Variants in PTGIS observed in about 807,000 individuals in gnomAD.
PTGIS encodes the protein prostacyclin synthase.
PTGIS carries 45 observed loss-of-function variants against 50.3 expected under a neutral mutation model. The ratio of observed to expected loss-of-function variants is 0.90; its 90% CI spans 0.70 to 1.15. PTGIS has a LOEUF of 1.15. Among genes scored for constraint, PTGIS ranks in the 50% most tolerant of loss-of-function variants. The pLI is 0.00. For synonymous variants in PTGIS, 260 were observed against 267.7 expected (o/e 0.97, Z 0.28); for missense variants, 668 against 661.3 (o/e 1.01, Z -0.11).
chr20:49,558,107 G>A (rs1005847616), intron 1 of PTGIS, among the ~76,000 whole-genome samples: 8 of 152,184 alleles, frequency 5.3e-5, no homozygotes, highest in Non-Finnish European at 1.0e-4. Flanking sequence ...AGGAAAATAA[G>A]GCTGGGCATG....
intron 4 of PTGIS, 89 bp from the exon 5 acceptor site, chr20:49,539,810 G>C: frequency 1.3e-6 from 2 of 1,487,570 alleles, no homozygotes; most frequent in Non-Finnish European, 1.8e-6. Context: ...CATACACCCA[G>C]TGAGCAACTA....
intron 1 of PTGIS, among the ~76,000 whole-genome samples, chr20:49,551,806 T>TTG (rs58517059): frequency 0.11 from 15,427 of 142,448 alleles, 831 homozygotes; most frequent in Middle Eastern, 0.16. Context: ...GTGTATGTGT[T>TTG]TGTGTGTGTG....
At chr20:49,522,143 C>T (rs1272875615) in intron 6 of PTGIS, among the ~76,000 whole-genome samples, 1 of 152,140 alleles carries the variant, frequency 6.6e-6, no homozygotes, top group Non-Finnish European at 1.5e-5. Context: ...CCCCCTCCCT[C>T]ACTCTGCTTC....
chr20:49,517,738 G>A (rs772868989), intron 6 of PTGIS, among the ~76,000 whole-genome samples: 1 of 152,160 alleles, frequency 6.6e-6, no homozygotes, highest in Non-Finnish European at 1.5e-5. Flanking sequence ...GTTGCCTCCT[G>A]ACAACATGGC....
chr20:49,527,025 G>T (rs1981809576), intron 5 of PTGIS, among the ~76,000 whole-genome samples: 1 of 152,152 alleles, frequency 6.6e-6, no homozygotes, highest in African/African-American at 2.4e-5. Context: ...GTGCACCAAT[G>T]TTCATAGCAG....
chr20:49,550,265 T>G, intron 1 of PTGIS, 76 bp from the exon 2 acceptor site: 1 of 1,574,384 alleles, frequency 6.4e-7, no homozygotes, highest in Non-Finnish European at 8.6e-7. Context: ...CAGAGTGTGA[T>G]TTTGAATGGA....
chr20:49,566,657 T>C (rs531008901), intron 1 of PTGIS, among the ~76,000 whole-genome samples: 1 of 152,380 alleles, frequency 6.6e-6, no homozygotes, highest in East Asian at 1.9e-4. Context: ...CAGACACGAA[T>C]GTAAACTAAC....
At chr20:49,551,891 A>G (rs1462639559) in intron 1 of PTGIS, among the ~76,000 whole-genome samples, 1 of 150,158 alleles carries the variant, frequency 6.7e-6, no homozygotes, top group African/African-American at 2.5e-5. Flanking sequence ...TTGTTTTTTG[A>G]GAAAAAGATT....
rs151199596 is a variant in PTGIS, at chr20:49,533,252, C to T, written c.673+6318G>A. 4.8e-4 allele frequency among the ~76,000 whole-genome samples: 73 copies of T among 152,280 alleles called. 1 individual carries two copies. Among genetic ancestry groups the T allele is most frequent in the Admixed American group, 3.9e-3 (60 of 15,298 alleles). ...CATGTCTTTAAAGTCTTGTGTTTTA[C>T]CTTTGAAATGCATCAGAGTTTTGCA... On this transcript the variant is annotated intron_variant, in intron 5 of 9. Coordinates refer to ENST00000244043, the MANE Select transcript of PTGIS (RefSeq NM_000961.4).
chr20:49,542,863 A>G (rs1468037463), intron 4 of PTGIS, among the ~76,000 whole-genome samples: 1 of 152,122 alleles, frequency 6.6e-6, no homozygotes, highest in Non-Finnish European at 1.5e-5. Context: ...CAGGCTCTCC[A>G]GGTCTCAGTT....
At chr20:49,528,851 G>T (rs1365021229) in intron 5 of PTGIS, among the ~76,000 whole-genome samples, 1 of 152,190 alleles carries the variant, frequency 6.6e-6, no homozygotes, top group African/African-American at 2.4e-5. Context: ...TTGCACTTGT[G>T]TGAAGGAACT....
chr20:49,538,695 ATTTATTT>A (rs1490150808), intron 5 of PTGIS, among the ~76,000 whole-genome samples: 1 of 149,640 alleles, frequency 6.7e-6, no homozygotes, highest in Non-Finnish European at 1.5e-5. Flanking sequence ...TTATTTATTT[ATTTATTT>A]AAGACAGAGT....
intron 9 of PTGIS, among the ~76,000 whole-genome samples, chr20:49,509,800 T>A (rs1336484385): frequency 6.6e-6 from 1 of 151,754 alleles, no homozygotes; most frequent in Non-Finnish European, 1.5e-5. Flanking sequence ...TTTTTTTTTA[T>A]TATGTCACTG....
At chr20:49,537,530 A>G (rs1982110711) in intron 5 of PTGIS, among the ~76,000 whole-genome samples, 1 of 151,858 alleles carries the variant, frequency 6.6e-6, no homozygotes, top group Non-Finnish European at 1.5e-5. Flanking sequence ...CGAGGCAGGC[A>G]GATCTCCTGA....
chr20:49,546,362 A>G (rs1367196706), intron 3 of PTGIS, among the ~76,000 whole-genome samples: 3 of 152,196 alleles, frequency 2.0e-5, no homozygotes, highest in Non-Finnish European at 4.4e-5. Context: ...GACCCAGGAC[A>G]CTCAGGCTCC....
chr20:49,562,331 C>T (rs532789230), intron 1 of PTGIS, among the ~76,000 whole-genome samples: 1 of 152,336 alleles, frequency 6.6e-6, no homozygotes, highest in South Asian at 2.1e-4. Context: ...CGGAGCTCCC[C>T]AGCGAGCCAG....
chr20:49,513,085 G>A lies in PTGIS; in HGVS notation c.1201C>T (p.Pro401Ser). Residue 401 changes from proline (P) to serine (S), a missense_variant, in exon 8 of 10, where the codon CCA becomes TCA. By Grantham distance (74) the Pro-to-Ser change is moderately conservative (BLOSUM62 -1). Transcript: ENST00000244043. ...PQRDPEIYTD[P>S]EVFKYNRFLN... ...CAGGCGCCCCTGCCATTTACCTCTG[G>A]GTCTGTGTAGATTTCTGGGTCTCTC... 1 of 1,614,092 alleles carries A rather than the reference G, an allele frequency of 6.2e-7. No homozygotes were observed. The highest frequency in any genetic ancestry group is 8.5e-7 in the Non-Finnish European group (1 of 1,180,016).
chr20:49,511,323 T>G (rs1981314798), intron 8 of PTGIS, 144 bp from the exon 9 acceptor site: 6 of 949,880 alleles, frequency 6.3e-6, no homozygotes, highest in Non-Finnish European at 9.7e-6. Context: ...AGGGGATTGG[T>G]TAAAAAATTA....
At chr20:49,534,534 G>A (rs941882970) in intron 5 of PTGIS, among the ~76,000 whole-genome samples, 6 of 152,220 alleles carry the variant, frequency 3.9e-5, no homozygotes, top group African/African-American at 7.2e-5. Context: ...CATCTGTGTG[G>A]AGGAAATGGT....
Sources: allele counts gnomAD v4.1 joint callset (sites outside exome capture counted in the v4.1 genomes callset), GRCh38; gene constraint gnomAD v4.1.1; transcripts MANE v1.5; gene names NCBI Gene and HGNC (gene_info 2026-07-23, HGNC 2026-07-21).